UBXN2A: variants seen among roughly 807,000 people sequenced by gnomAD.
The protein encoded by UBXN2A is UBX domain protein 2A.
Under a neutral mutation model 28.4 loss-of-function variants are expected in UBXN2A, and 28 were observed. The observed-to-expected ratio is 0.99, with a 90% CI of 0.73 to 1.35. The LOEUF (loss-of-function observed/expected upper bound fraction) is 1.35, where lower values mean the gene tolerates loss of function less well. Ranked by LOEUF, UBXN2A falls within the 40% of genes most tolerant of loss-of-function variation. The pLI, the probability that UBXN2A is intolerant of heterozygous loss-of-function variation, is 0.00. For synonymous variants in UBXN2A, 97 were observed against 103.6 expected, an observed-to-expected ratio of 0.94 and a Z score of 0.39; for missense variants, 253 against 297.9, an observed-to-expected ratio of 0.85 and a Z score of 1.11.
chr2:23,960,156 C>T lies in UBXN2A; in HGVS notation c.41+1801C>T, dbSNP rs532199308. On this transcript the variant is annotated intron_variant, in intron 2 of 6. Transcript: ENST00000309033. ...CTGTAGTCCCAGCTACTCGGGAGGC[C>T]GAGGCAGGAGAATGGCGTGAACCCA... is the stretch of plus-strand genomic sequence containing the variant. Among the ~76,000 whole-genome samples the T allele has an allele frequency of 6.6e-5, 10 of 151,790 alleles. No homozygotes were observed. In the South Asian group the frequency reaches 1.5e-3, roughly 22 times the overall value.
intron 6 of UBXN2A, 110 bp from the exon 7 acceptor site, chr2:23,999,562 C>G (rs550723664): frequency 8.3e-7 from 1 of 1,208,426 alleles, no homozygotes; most frequent in African/African-American, 1.5e-5. Context: ...CAAAGCAAGA[C>G]GCTATCTCTA....
intron 1 of UBXN2A, among the ~76,000 whole-genome samples, chr2:23,934,916 G>A (rs11893708): frequency 0.19 from 28,111 of 151,868 alleles, 2,690 homozygotes; most frequent in Middle Eastern, 0.26. Context: ...TCTACTAAAA[G>A]TACAAAAAAT....
rs1706738299 is a variant in UBXN2A, at chr2:23,958,369, A to C, written c.41+14A>C. The C allele has an allele frequency of 6.3e-7, 1 of 1,598,870 alleles. No homozygotes were observed. The highest frequency in any genetic ancestry group is 8.5e-7 in the Non-Finnish European group (1 of 1,174,452). ...AAAAGAAGAATGGTAAGTTAATTCAAACTGAATTGCTTTGTTAATGCCTTT... is the reference window on the plus strand; with the variant it reads ...AAAAGAAGAATGGTAAGTTAATTCACACTGAATTGCTTTGTTAATGCCTTT... On this transcript the variant is annotated intron_variant, in intron 2 of 6. Transcript: ENST00000309033.
intron 4 of UBXN2A, among the ~76,000 whole-genome samples, chr2:23,979,912 A>G (rs1707827182): frequency 6.7e-6 from 1 of 150,348 alleles, no homozygotes; most frequent in African/African-American, 2.5e-5. Flanking sequence ...ATTTTTGACT[A>G]TTTTCTTTTA....
intron 6 of UBXN2A, chr2:23,996,743 G>C (rs888695274): frequency 6.7e-6 from 1 of 150,186 alleles, no homozygotes; most frequent in Non-Finnish European, 1.5e-5. Flanking sequence ...CCAAAGTGCT[G>C]GGATCACAGG....
At chr2:23,977,115 A>C (rs1271047037) in intron 4 of UBXN2A, 40 bp downstream of exon 4, 5 of 1,525,952 alleles carry the variant, frequency 3.3e-6, no homozygotes, top group East Asian at 2.3e-5. Flanking sequence ...TGTAAACCCA[A>C]AACTTTGGCA....
chr2:23,996,108 C>G (rs1708521800), intron 6 of UBXN2A, among the ~76,000 whole-genome samples: 1 of 150,640 alleles, frequency 6.6e-6, no homozygotes, highest in Non-Finnish European at 1.5e-5. Context: ...GCTCTGTCGC[C>G]AAGGCTGGAG....
At chr2:23,948,253 TC>T in intron 1 of UBXN2A, among the ~76,000 whole-genome samples, 1 of 147,092 alleles carries the variant, frequency 6.8e-6, no homozygotes, top group East Asian at 2.0e-4. Context: ...TTTTTCTTTT[TC>T]TTTTTTTTTT....
intron 2 of UBXN2A, among the ~76,000 whole-genome samples, chr2:23,970,090 G>A (rs1274498340): frequency 2.6e-5 from 4 of 152,110 alleles, no homozygotes; most frequent in African/African-American, 9.7e-5. Context: ...CCAGGAGTTT[G>A]AAACCAGCCT....
chr2:23,966,741 G>A (rs185116444), intron 2 of UBXN2A, among the ~76,000 whole-genome samples: 13 of 140,908 alleles, frequency 9.2e-5, no homozygotes, highest in East Asian at 4.2e-4. Context: ...GTGAGCCACC[G>A]CGCCCGGCCT....
chr2:23,984,695 A>G lies in UBXN2A; in HGVS notation c.448A>G (p.Lys150Glu). 6.5e-7 allele frequency: 1 copy of G among 1,539,758 alleles called. No individual in the cohort carries two copies. Among genetic ancestry groups the G allele is most frequent in the Non-Finnish European group, 8.7e-7 (1 of 1,153,304 alleles). ...LGSATPKIVS[K>E]AKNIEVENKN... is the part of the protein sequence containing the mutation. ...TAGTGCCACACCAAAAATTGTTTCT[A>G]AAGCAAAGAATATTGAAGTTGAAAA... is the stretch of plus-strand genomic sequence containing the variant. Residue 150 changes from lysine to glutamate, a missense_variant, in exon 6 of 7, where the codon AAA becomes GAA. Coordinates refer to ENST00000309033, the MANE Select transcript of UBXN2A (RefSeq NM_181713.4).
intron 4 of UBXN2A, among the ~76,000 whole-genome samples, chr2:23,980,866 A>G (rs1366355290): frequency 6.6e-6 from 1 of 151,928 alleles, no homozygotes; most frequent in African/African-American, 2.4e-5. Flanking sequence ...ATCTCACGTG[A>G]TTCACCCGCC....
At chr2:23,953,679 T>C (rs1036635636) in intron 1 of UBXN2A, among the ~76,000 whole-genome samples, 8 of 152,240 alleles carry the variant, frequency 5.3e-5, no homozygotes, top group African/African-American at 1.7e-4. Context: ...TCTACTGTCA[T>C]CACATTTTTC....
chr2:23,963,371 C>T (rs1707020315), intron 2 of UBXN2A, among the ~76,000 whole-genome samples: 1 of 151,346 alleles, frequency 6.6e-6, no homozygotes, highest in Admixed American at 6.6e-5. Context: ...AAAAAGTAGC[C>T]AGGCGTGGTG....
rs909216196 is a variant in UBXN2A at position 23,994,486 on chromosome 2, T to C, written c.585-5186T>C. ...TTATATTCTTTTCTAATTTTTTTCTTCTTTTTCCTTCTGATTCAGTCTGCA... is the reference window on the plus strand; with the variant it reads ...TTATATTCTTTTCTAATTTTTTTCTCCTTTTTCCTTCTGATTCAGTCTGCA... On this transcript the variant is annotated intron_variant, in intron 6 of 6. Coordinates refer to ENST00000309033, the MANE Select transcript of UBXN2A (RefSeq NM_181713.4). 2.0e-5 allele frequency among the ~76,000 whole-genome samples: 3 copies of C among 152,332 alleles called. No homozygotes were observed. In the East Asian group the frequency reaches 5.8e-4, roughly 29 times the overall value.
rs558911453 is a variant in UBXN2A, at chr2:23,999,653, A to T, written c.585-19A>T. On this transcript the variant is annotated intron_variant, in intron 6 of 6. Coordinates refer to ENST00000309033, the MANE Select transcript of UBXN2A (RefSeq NM_181713.4). ...CAAATTTTCCTAAAATTATATTAAT[A>T]GTTTTTGCTGTTTTACAGAGTAAGC... 26 of 1,586,844 alleles carry T rather than the reference A, an allele frequency of 1.6e-5. No homozygotes were observed. Among genetic ancestry groups the T allele is most frequent in the Non-Finnish European group, 2.1e-5 (25 of 1,172,854 alleles).
intron 4 of UBXN2A, among the ~76,000 whole-genome samples, chr2:23,977,910 C>T (rs1263192926): frequency 6.6e-6 from 1 of 152,106 alleles, no homozygotes; most frequent in African/African-American, 2.4e-5. Flanking sequence ...CAGCTCACTG[C>T]AGCCTCCGCC....
intron 4 of UBXN2A, 173 bp downstream of exon 4, chr2:23,977,248 A>T: frequency 2.4e-6 from 1 of 422,794 alleles, no homozygotes; most frequent in Non-Finnish European, 4.4e-6. Context: ...GATTGCTTGC[A>T]CTTGGGAGAC....
chr2:23,987,214 AC>A (rs1210288355), intron 6 of UBXN2A, among the ~76,000 whole-genome samples: 2 of 152,032 alleles, frequency 1.3e-5, no homozygotes, highest in African/African-American at 4.8e-5. Context: ...CAGATAAATA[AC>A]AAATATAGGG....
Sources: allele counts gnomAD v4.1 joint callset (sites outside exome capture counted in the v4.1 genomes callset), GRCh38; gene constraint gnomAD v4.1.1; transcripts MANE v1.5; gene names NCBI Gene and HGNC (gene_info 2026-07-23, HGNC 2026-07-21).